The following BCAR3 variants were observed in gnomAD, a reference collection of about 807,000 sequenced individuals.
BCAR3 encodes the protein breast cancer anti-estrogen resistance protein 3.
In BCAR3, 37 loss-of-function variants were observed where a neutral mutation model predicts 80.1. That is an observed-to-expected ratio of 0.46 (90% CI 0.36 to 0.61). The LOEUF (loss-of-function observed/expected upper bound fraction) is 0.61. Ranked by LOEUF, BCAR3 falls within the 20% of genes least tolerant of loss-of-function variation. BCAR3 has a pLI of 0.00. For missense variants in BCAR3, 978 were observed against 1,068.2 expected, an observed-to-expected ratio of 0.92 and a Z score of 1.18; for synonymous variants, 389 against 418.9, an observed-to-expected ratio of 0.93 and a Z score of 0.87.
At chr1:93,669,697 C>T (rs1648111943) in intron 2 of BCAR3, among the ~76,000 whole-genome samples, 1 of 152,164 alleles carries the variant, frequency 6.6e-6, no homozygotes, top group South Asian at 2.1e-4. Flanking sequence ...ACAGACATCC[C>T]GACAACAGGA....
chr1:93,735,367 C>T (rs1256916455), intron 2 of BCAR3, among the ~76,000 whole-genome samples: 1 of 152,240 alleles, frequency 6.6e-6, no homozygotes, highest in Non-Finnish European at 1.5e-5. Context: ...CTCTCCCACT[C>T]CTCACATGGA....
chr1:93,783,504 T>G (rs947204830), intron 2 of BCAR3, among the ~76,000 whole-genome samples: 2 of 152,118 alleles, frequency 1.3e-5, no homozygotes, highest in African/African-American at 4.8e-5. Context: ...AAAAAAGGGT[T>G]GGAAACATAT....
At chr1:93,717,380 CA>C (rs1316618985) in intron 2 of BCAR3, among the ~76,000 whole-genome samples, 2 of 152,146 alleles carry the variant, frequency 1.3e-5, no homozygotes, top group Non-Finnish European at 2.9e-5. Flanking sequence ...TTTTAAGCAG[CA>C]AAAGTTAGTT....
chr1:93,582,537 C>T lies in BCAR3; in HGVS notation c.1450G>A (p.Glu484Lys), dbSNP rs1178774267. 3.1e-6 allele frequency: 5 copies of T among 1,613,642 alleles called. No individual in the cohort carries two copies. Among genetic ancestry groups the T allele is most frequent in the African/African-American group, 1.3e-5 (1 of 74,862 alleles). Residue 484 changes from glutamate to lysine, a missense_variant, in exon 7 of 12, where the codon GAA becomes AAA. Transcript: ENST00000260502. ...NYLILDDDDRERPWEPAAAQM... is the reference protein window; with the variant it reads ...NYLILDDDDRKRPWEPAAAQM... The stretch of plus-strand genomic sequence containing the variant: ...GCTGCCGCAGGTTCCCAAGGTCTTT[C>T]CCTGTCATCATCATCAAGGATCAAG...
At chr1:93,637,957 CAA>C (rs758240319) in intron 3 of BCAR3, among the ~76,000 whole-genome samples, 2 of 151,990 alleles carry the variant, frequency 1.3e-5, no homozygotes, top group African/African-American at 2.4e-5. Flanking sequence ...CTAATTAGAA[CAA>C]AAGTGTGGGC....
chr1:93,627,213 C>A (rs986323310), intron 3 of BCAR3, among the ~76,000 whole-genome samples: 4 of 152,132 alleles, frequency 2.6e-5, no homozygotes, highest in African/African-American at 9.7e-5. Context: ...ATCTGCATAA[C>A]TCGTAAACCA....
At chr1:93,634,611 C>T (rs1012654589) in intron 3 of BCAR3, among the ~76,000 whole-genome samples, 9 of 151,990 alleles carry the variant, frequency 5.9e-5, no homozygotes, top group Admixed American at 2.0e-4. Flanking sequence ...AGGAGAATTG[C>T]TTGAACCGAG....
Position 93,718,688 on chromosome 1 carries a change from CTTTTTTTTTTTTT to C in BCAR3, c.-62-12559_-62-12547del, listed in dbSNP as rs71094259. Among the ~76,000 whole-genome samples the C allele has an allele frequency of 7.8e-5, 6 of 77,056 alleles. No homozygotes were observed. The East Asian group carries it at 1.6e-3, about 21-fold the overall frequency. The allele number at this position is 77,056 out of a possible 152,430, so 50.6% of individuals were successfully genotyped here. On this transcript the variant is annotated intron_variant, in intron 2 of 13. Coordinates refer to the BCAR3 transcript ENST00000370244. ...CAACCATCTGAACTACATTGTTTTT[CTTTTTTTTTTTTT>C]TTTTTTTTTTTGAGACGGGGTTTGG... is the stretch of plus-strand genomic sequence containing the variant.
chr1:93,800,724 T>A (rs973956425), intron 2 of BCAR3, among the ~76,000 whole-genome samples: 6 of 152,232 alleles, frequency 3.9e-5, no homozygotes, highest in Non-Finnish European at 8.8e-5. Flanking sequence ...GTTATTTTTT[T>A]AAAATATTTT....
chr1:93,765,591 C>T (rs1652117150), intron 2 of BCAR3, among the ~76,000 whole-genome samples: 2 of 152,114 alleles, frequency 1.3e-5, no homozygotes, highest in Admixed American at 1.3e-4. Flanking sequence ...CTCAAAGTTT[C>T]CTCCCACTCC....
At chr1:93,564,706 G>A (rs531896472) in intron 11 of BCAR3, among the ~76,000 whole-genome samples, 2 of 152,310 alleles carry the variant, frequency 1.3e-5, no homozygotes, top group Non-Finnish European at 2.9e-5. Flanking sequence ...ATGAGGTAAG[G>A]ATCGAGATTC....
chr1:93,722,203 C>T (rs887411729), intron 2 of BCAR3, among the ~76,000 whole-genome samples: 16 of 152,314 alleles, frequency 1.1e-4, no homozygotes, highest in African/African-American at 3.8e-4. Context: ...TACCGGATCC[C>T]ATGCACTCAT....
chr1:93,653,110 A>T (rs144257229), intron 2 of BCAR3, among the ~76,000 whole-genome samples: 2 of 152,334 alleles, frequency 1.3e-5, no homozygotes, highest in Non-Finnish European at 2.9e-5. Flanking sequence ...CAAGTAGTTG[A>T]AATACAGATA....
At chr1:93,707,289 T>C (rs1278983032) in intron 2 of BCAR3, among the ~76,000 whole-genome samples, 2 of 151,886 alleles carry the variant, frequency 1.3e-5, no homozygotes, top group Non-Finnish European at 2.9e-5. Context: ...CACCAAAGAG[T>C]GTTTCTCTGT....
intron 7 of BCAR3, among the ~76,000 whole-genome samples, chr1:93,579,552 C>T (rs998037068): frequency 6.6e-5 from 10 of 152,184 alleles, no homozygotes; most frequent in Non-Finnish European, 2.9e-5. Flanking sequence ...CACAGCAAGC[C>T]AGGGAGACTG....
At chr1:93,843,766 C>T (rs1219018728) in intron 2 of BCAR3, among the ~76,000 whole-genome samples, 1 of 152,146 alleles carries the variant, frequency 6.6e-6, no homozygotes, top group Non-Finnish European at 1.5e-5. Context: ...TTGCTTATTG[C>T]TTCATATTCA....
intron 7 of BCAR3, among the ~76,000 whole-genome samples, chr1:93,576,971 T>G (rs1474299448): frequency 1.3e-5 from 2 of 151,984 alleles, no homozygotes; most frequent in Non-Finnish European, 2.9e-5. Context: ...CTGAGCAACA[T>G]AGCGAGACCC....
chr1:93,780,225 C>T (rs1273342165), intron 2 of BCAR3, among the ~76,000 whole-genome samples: 1 of 152,208 alleles, frequency 6.6e-6, no homozygotes, highest in Non-Finnish European at 1.5e-5. Flanking sequence ...GTCCTAGCTC[C>T]CCTGATACTT....
chr1:93,672,269 T>C (rs970071383), intron 2 of BCAR3, among the ~76,000 whole-genome samples: 3 of 152,080 alleles, frequency 2.0e-5, no homozygotes, highest in Non-Finnish European at 4.4e-5. Context: ...GGACCTTGGG[T>C]GTTTACCAAG....
Sources: allele counts gnomAD v4.1 joint callset (sites outside exome capture counted in the v4.1 genomes callset), GRCh38; gene constraint gnomAD v4.1.1; transcripts MANE v1.5; gene names NCBI Gene and HGNC (gene_info 2026-07-23, HGNC 2026-07-21).